Variants in BAZ1B observed in about 807,000 individuals in gnomAD.
BAZ1B encodes the protein tyrosine-protein kinase BAZ1B.
BAZ1B carries 22 observed loss-of-function variants against 153.8 expected under a neutral mutation model. The observed-to-expected ratio is 0.14, with a 90% confidence interval of 0.10 to 0.20. The LOEUF (loss-of-function observed/expected upper bound fraction) is 0.20, where lower values mean the gene tolerates loss of function less well. Ranked by LOEUF, BAZ1B falls within the 10% of genes least tolerant of loss-of-function variation. BAZ1B has a pLI of 1.00. For synonymous variants in BAZ1B, 676 were observed against 633.4 expected (o/e 1.07, Z -1.01); for missense variants, 1,325 against 1,799.3 (o/e 0.74, Z 4.77).
chr7:73,513,573 C>T (rs529389616), intron 1 of BAZ1B, among the ~76,000 whole-genome samples: 52 of 152,246 alleles, frequency 3.4e-4, no homozygotes, highest in African/African-American at 1.2e-3. Flanking sequence ...AGCAACGGAA[C>T]GGCTTCCAGA....
intron 5 of BAZ1B, among the ~76,000 whole-genome samples, chr7:73,490,880 C>T (rs1789612089): frequency 6.6e-6 from 1 of 151,640 alleles, no homozygotes; most frequent in Non-Finnish European, 1.5e-5. Flanking sequence ...GCTGGGATTA[C>T]AGGCATGAGC....
At chr7:73,466,754 G>GT (rs1554571216) in intron 9 of BAZ1B, among the ~76,000 whole-genome samples, 1 of 152,156 alleles carries the variant, frequency 6.6e-6, no homozygotes, top group East Asian at 1.9e-4. Flanking sequence ...TGAAGCAGAG[G>GT]TAATGAGAAC....
chr7:73,467,117 G>A (rs1788620064), intron 9 of BAZ1B, among the ~76,000 whole-genome samples: 1 of 152,070 alleles, frequency 6.6e-6, no homozygotes, highest in African/African-American at 2.4e-5. Context: ...ATTTTTAGTA[G>A]AGATGGGGTT....
chr7:73,478,457 T>C lies in BAZ1B; in HGVS notation c.1004A>G (p.Lys335Arg). 6.2e-7 allele frequency: 1 copy of C among 1,612,200 alleles called. No homozygotes were observed. The highest frequency in any genetic ancestry group is 8.5e-7 in the Non-Finnish European group (1 of 1,179,210). The part of the protein sequence containing the change: ...NSSLSSPLNP[K>R]LWCHVHLKKS... Reference sequence around the variant, plus strand: ...CTTCAAGTGTACGTGACACCATAACTTAGGATTTAGTGGTGAACTAAGAGA... The same window carrying C: ...CTTCAAGTGTACGTGACACCATAACCTAGGATTTAGTGGTGAACTAAGAGA... Residue 335 changes from lysine (K) to arginine (R), a missense_variant, in exon 7 of 20, where the codon AAG becomes AGG. Around this residue, in one of 9 missense-constraint regions of BAZ1B, gnomAD observed 219 missense variants for 248.2 expected, o/e 0.88. Coordinates refer to ENST00000339594, the MANE Select transcript of BAZ1B (RefSeq NM_032408.4).
chr7:73,461,670 A>G (rs1788401608), intron 12 of BAZ1B, among the ~76,000 whole-genome samples: 1 of 152,268 alleles, frequency 6.6e-6, no homozygotes, highest in South Asian at 2.1e-4. Flanking sequence ...TAAGATACAC[A>G]TATTATTTGC....
chr7:73,449,056 C>T (rs1446394680), intron 15 of BAZ1B, among the ~76,000 whole-genome samples: 1 of 152,098 alleles, frequency 6.6e-6, no homozygotes, highest in Non-Finnish European at 1.5e-5. Context: ...ACTGGATCAT[C>T]AAACATCTGG....
intron 9 of BAZ1B, among the ~76,000 whole-genome samples, chr7:73,466,859 T>G (rs1554571235): frequency 6.6e-6 from 1 of 152,236 alleles, no homozygotes; most frequent in South Asian, 2.1e-4. Context: ...GATACGTGAC[T>G]TTAACATAGA....
intron 16 of BAZ1B, 89 bp from the exon 17 acceptor site, chr7:73,444,218 T>C (rs1787740522): frequency 7.1e-7 from 1 of 1,413,246 alleles, no homozygotes; most frequent in Non-Finnish European, 9.4e-7. Flanking sequence ...GCAGGGAGAA[T>C]CCTTTTCCTG....
chr7:73,469,571 T>A lies in BAZ1B; in HGVS notation c.2812A>T (p.Asn938Tyr). ...WVHDSIDYRF[N>Y]HHCKDHTVSG... ...ACTGTGTGGTCTTTGCAGTGATGGTTGAATCGGTAGTCAATGCTGTCATGT... is the reference window on the plus strand; with the variant it reads ...ACTGTGTGGTCTTTGCAGTGATGGTAGAATCGGTAGTCAATGCTGTCATGT... Residue 938 changes from asparagine (N) to tyrosine (Y), a missense_variant, in exon 9 of 20, where the codon AAC (asparagine) becomes TAC (tyrosine). Physicochemically the swap from Asn to Tyr is moderately radical, Grantham distance 143. Around this residue, in one of 9 missense-constraint regions of BAZ1B, gnomAD observed 431 missense variants for 563.5 expected, o/e 0.76. Transcript: ENST00000339594. The A allele has an allele frequency of 1.2e-6, 2 of 1,614,190 alleles. No homozygotes were observed. Among genetic ancestry groups the A allele is most frequent in the Non-Finnish European group, 1.7e-6 (2 of 1,180,022 alleles).
intron 7 of BAZ1B, among the ~76,000 whole-genome samples, chr7:73,472,956 A>T (rs1383161659): frequency 4.6e-4 from 67 of 146,036 alleles, no homozygotes; most frequent in South Asian, 1.5e-3. Context: ...TTTTTTTTTT[A>T]AAAAAGACAA....
chr7:73,470,443 C>T lies in BAZ1B; in HGVS notation c.2634G>A (p.Lys878=). ...AAGCTTTCTCAGCAGCTGCTTTGTG[C>T]TTCCGTATTCGTTCTTCTTCAGCTT... ...ERQAEEERIR[K]HKAAAEKAFQ... is the part of the protein sequence containing the mutation. The change falls in exon 8 of 20, where the codon AAG becomes AAA. Residue 878 remains lysine, a synonymous_variant. Transcript: ENST00000339594. The T allele has an allele frequency of 6.2e-7, 1 of 1,614,046 alleles. No individual in the cohort carries two copies. The highest frequency in any genetic ancestry group is 8.5e-7 in the Non-Finnish European group (1 of 1,180,010).
chr7:73,466,356 T>C lies in BAZ1B; in HGVS notation c.2912A>G (p.His971Arg), dbSNP rs1788583353. 1 of 1,614,042 alleles carries C rather than the reference T, an allele frequency of 6.2e-7. No homozygotes were observed. The highest frequency in any genetic ancestry group is 8.5e-7 in the Non-Finnish European group (1 of 1,179,936). The change falls in exon 10 of 20, where the codon CAT (histidine) becomes CGT (arginine). Residue 971 changes from histidine to arginine, a missense_variant. By Grantham distance (29) the His-to-Arg change is conservative. Around this residue, in one of 9 missense-constraint regions of BAZ1B, gnomAD observed 431 missense variants for 563.5 expected, o/e 0.76. Coordinates refer to ENST00000339594, the MANE Select transcript of BAZ1B (RefSeq NM_032408.4). ...TACAGCAACTTCTGTTGCTGTTCCA[T>C]GTTGTGTGTTCATGCTTGCATTTTT... ...LGKNASMNTQ[H>R]GTATEVAVET...
At position 73,466,291 on chromosome 7, in the gene BAZ1B, A is replaced by G; in HGVS notation, c.2972+5T>C. On this transcript the variant is annotated splice_donor_5th_base_variant and intron_variant, in intron 10 of 19. Coordinates refer to ENST00000339594, the MANE Select transcript of BAZ1B (RefSeq NM_032408.4). ...AAAGAGCAACCAGATGAATGCTCAC[A>G]TTACCATAGGTTCTGTCCTTGTTTG... 1.9e-6 allele frequency: 3 copies of G among 1,594,784 alleles called. No homozygotes were observed. The highest frequency in any genetic ancestry group is 8.6e-7 in the Non-Finnish European group (1 of 1,162,976).
Position 73,520,660 on chromosome 7 carries a change from C to T in BAZ1B, c.107+1167G>A, listed in dbSNP as rs146244048. On this transcript the variant is annotated intron_variant, in intron 1 of 19. Transcript: ENST00000339594. ...CCAGGCCCCTTTGTGTGTATACTCC[C>T]CACAAAGGGACACTCACAAATTGCA... is the stretch of plus-strand genomic sequence containing the variant. 6.7e-3 allele frequency among the ~76,000 whole-genome samples: 1,024 copies of T among 152,260 alleles called. 8 individuals are homozygous for T. Among genetic ancestry groups the T allele is most frequent in the African/African-American group, 0.022 (912 of 41,562 alleles).
intron 4 of BAZ1B, among the ~76,000 whole-genome samples, chr7:73,498,248 C>T (rs782749113): frequency 6.6e-5 from 10 of 152,140 alleles, no homozygotes; most frequent in African/African-American, 1.4e-4. Context: ...GCATGAGCCA[C>T]GGCACCCAGC....
intron 1 of BAZ1B, among the ~76,000 whole-genome samples, chr7:73,520,284 G>A (rs1398087284): frequency 1.3e-5 from 2 of 150,842 alleles, no homozygotes; most frequent in Admixed American, 6.6e-5. Flanking sequence ...AACTTCTCCA[G>A]AACATTCCAA....
intron 13 of BAZ1B, among the ~76,000 whole-genome samples, chr7:73,458,441 T>A (rs1169100223): frequency 6.6e-6 from 1 of 152,002 alleles, no homozygotes; most frequent in African/African-American, 2.4e-5. Context: ...TTTGGGAGGC[T>A]GAGGTGGGCA....
intron 13 of BAZ1B, among the ~76,000 whole-genome samples, chr7:73,452,110 T>C (rs1437170148): frequency 6.6e-6 from 1 of 152,208 alleles, no homozygotes; most frequent in Non-Finnish European, 1.5e-5. Flanking sequence ...TAAAACTTTT[T>C]TTAAATTTGA....
At chr7:73,493,440 A>T (rs964507184) in intron 4 of BAZ1B, among the ~76,000 whole-genome samples, 9 of 152,206 alleles carry the variant, frequency 5.9e-5, no homozygotes, top group Admixed American at 5.9e-4. Flanking sequence ...AGCCTGGGCA[A>T]CAGAGCAAGA....
Sources: allele counts gnomAD v4.1 joint callset (sites outside exome capture counted in the v4.1 genomes callset), GRCh38; gene constraint gnomAD v4.1.1; regional missense constraint gnomAD v4.1.1; transcripts MANE v1.5; gene names NCBI Gene and HGNC (gene_info 2026-07-23, HGNC 2026-07-21).